SLC8A3: variants seen among roughly 807,000 people sequenced by gnomAD.
SLC8A3 encodes sodium/calcium exchanger 3.
SLC8A3 carries 37 observed loss-of-function variants against 65.4 expected under a neutral mutation model. The observed-to-expected ratio is 0.57, with a 90% CI of 0.44 to 0.74. SLC8A3 has a LOEUF of 0.74. SLC8A3 is among the 30% of genes least tolerant of loss of function. The probability of loss-of-function intolerance (pLI) is 0.00; values close to 1 mark genes in which losing one functional copy is unlikely to be tolerated. For missense variants in SLC8A3, 1,112 were observed against 1,172.1 expected, an observed-to-expected ratio of 0.95 and a Z score of 0.75; for synonymous variants, 461 against 444.5, an observed-to-expected ratio of 1.04 and a Z score of -0.47.
chr14:70,090,684 A>T (rs1028768606), intron 2 of SLC8A3, among the ~76,000 whole-genome samples: 1 of 152,226 alleles, frequency 6.6e-6, no homozygotes, highest in Non-Finnish European at 1.5e-5. Context: ...TTCCTGATTC[A>T]TATAGAAGTA....
In SLC8A3 at chr14:70,048,874, A is replaced by G. The variant is rs1259070342; in HGVS notation, c.2282T>C (p.Met761Thr). 2.5e-6 allele frequency: 4 copies of G among 1,614,192 alleles called. No homozygotes were observed. The highest frequency in any genetic ancestry group is 2.2e-5 in the East Asian group (1 of 44,890). The part of the protein sequence containing the change: ...CFAVSILIIG[M>T]LTAIIGDLAS... ...CAGGTCCCCAATGATGGCGGTGAGCATGCCAATGATGAGGATGGAGACGGC... is the reference window on the plus strand; with the variant it reads ...CAGGTCCCCAATGATGGCGGTGAGCGTGCCAATGATGAGGATGGAGACGGC... Residue 761 changes from methionine to threonine, a missense_variant, in exon 6 of 7, where the codon ATG (methionine) becomes ACG (threonine). Transcript: ENST00000356921.
rs780921942 is a variant in SLC8A3, at chr14:70,167,958, C to T, written c.465G>A (p.Val155=). 7 of 1,614,050 alleles carry T rather than the reference C, an allele frequency of 4.3e-6. No homozygotes were observed. The highest frequency in any genetic ancestry group is 1.7e-5 in the Admixed American group (1 of 60,006). ...CACCAGCAATGAACCCATGACCACACACCTCAATTAAAGAGAGGAGTATCT... is the reference window on the plus strand; with the variant it reads ...CACCAGCAATGAACCCATGACCACATACCTCAATTAAAGAGAGGAGTATCT... ...APEILLSLIE[V]CGHGFIAGDL... The change falls in exon 2 of 7, where the codon GTG becomes GTA. Residue 155 remains valine, a synonymous_variant. Transcript: ENST00000356921.
chr14:70,120,386 G>A (rs1566792525), intron 2 of SLC8A3, among the ~76,000 whole-genome samples: 1 of 152,212 alleles, frequency 6.6e-6, no homozygotes, highest in East Asian at 1.9e-4. Flanking sequence ...TGGGAAAGGT[G>A]TGCATTTGCC....
Position 70,167,869 on chromosome 14 carries a change from C to G in SLC8A3, c.554G>C (p.Cys185Ser). ...AFNMFIIIGI[C>S]VYVIPDGETR... ...CTCTCCGTCTGGGATCACGTAGACA[C>G]AGATGCCAATGATGATGAACATGTT... is the stretch of plus-strand genomic sequence containing the variant. The change falls in exon 2 of 7, where the codon TGT (cysteine) becomes TCT (serine). Residue 185 changes from cysteine to serine, a missense_variant. Cys to Ser is a moderately radical substitution (Grantham distance 112). Transcript: ENST00000356921. 6.2e-7 allele frequency: 1 copy of G among 1,614,182 alleles called. No individual in the cohort carries two copies. The highest frequency in any genetic ancestry group is 8.5e-7 in the Non-Finnish European group (1 of 1,180,032).
At chr14:70,070,350 A>T (rs1156577877) in intron 2 of SLC8A3, among the ~76,000 whole-genome samples, 1 of 152,340 alleles carries the variant, frequency 6.6e-6, no homozygotes, top group South Asian at 2.1e-4. Flanking sequence ...TTTAATATTC[A>T]TAATAACCTA....
intron 2 of SLC8A3, among the ~76,000 whole-genome samples, chr14:70,128,139 G>A (rs1042033410): frequency 2.0e-5 from 3 of 152,134 alleles, no homozygotes; most frequent in Non-Finnish European, 4.4e-5. Flanking sequence ...GATTGAAATT[G>A]GGCAGTCATT....
At chr14:70,063,700 G>C (rs1413376916) in intron 2 of SLC8A3, 1 of 635,826 alleles carries the variant, frequency 1.6e-6, no homozygotes, top group Non-Finnish European at 2.8e-6. Context: ...CAAGAGAGGA[G>C]ACAAGGGAAA....
rs771215914 is a variant in SLC8A3 at position 70,049,038 on chromosome 14, C to T, written c.2118G>A (p.Gly706=). 2 of 1,604,366 alleles carry T rather than the reference C, an allele frequency of 1.2e-6. No individual in the cohort carries two copies. Among genetic ancestry groups the T allele is most frequent in the South Asian group, 1.1e-5 (1 of 89,914 alleles). The change falls in exon 6 of 7, where the codon GGG becomes GGA. Residue 706 remains glycine (G), a synonymous_variant. Transcript: ENST00000356921. ...FMEAITVSAA[G]DEDEDESGEE... Reference sequence around the variant, plus strand: ...CCCCGGATTCATCCTCATCCTCATCCCCTGCTGAAGGCAAGATAAACAGGC... The same window carrying T: ...CCCCGGATTCATCCTCATCCTCATCTCCTGCTGAAGGCAAGATAAACAGGC...
intron 2 of SLC8A3, among the ~76,000 whole-genome samples, chr14:70,162,423 G>A (rs961665990): frequency 1.3e-5 from 2 of 152,018 alleles, no homozygotes; most frequent in African/African-American, 2.4e-5. Context: ...AGATACCTTC[G>A]AGCTTTAACA....
intron 2 of SLC8A3, among the ~76,000 whole-genome samples, chr14:70,141,642 A>G (rs72731817): frequency 9.2e-5 from 14 of 152,242 alleles, no homozygotes; most frequent in Non-Finnish European, 1.6e-4. Flanking sequence ...TCCCTCTTCA[A>G]CCTCTTACAC....
In SLC8A3 at chr14:70,062,810, C is replaced by A. The variant is rs139533637; in HGVS notation, c.1785-1871G>T. Among the ~76,000 whole-genome samples, 35 of 152,282 alleles carry A rather than the reference C, an allele frequency of 2.3e-4. 1 individual carries two copies. The East Asian group carries it at 6.6e-3, about 29-fold the overall frequency. On this transcript the variant is annotated intron_variant, in intron 2 of 6. Transcript: ENST00000356921. ...TGGCCCTAGATATGGGACCCCAGGGCTGTCTACAAGGTGTGAGCCTGTTTC... is the reference window on the plus strand; with the variant it reads ...TGGCCCTAGATATGGGACCCCAGGGATGTCTACAAGGTGTGAGCCTGTTTC...
chr14:70,097,028 G>A (rs373690071), intron 2 of SLC8A3, among the ~76,000 whole-genome samples: 2 of 152,158 alleles, frequency 1.3e-5, no homozygotes, highest in Admixed American at 1.3e-4. Flanking sequence ...GAAATTAAAC[G>A]TCCTGAGGAA....
In SLC8A3 at chr14:70,167,034, C is replaced by A; in HGVS notation, c.1389G>T (p.Glu463Asp). ...VVLKPGETQK[E>D]FSVGIIDDDI... ...CGTCATCAATTATGCCCACGGAGAACTCCTTCTGGGTCTCTCCTGGCTTCA... is the reference window on the plus strand; with the variant it reads ...CGTCATCAATTATGCCCACGGAGAAATCCTTCTGGGTCTCTCCTGGCTTCA... The change falls in exon 2 of 7, where the codon GAG becomes GAT. Residue 463 changes from glutamate (E) to aspartate (D), a missense_variant. Coordinates refer to ENST00000356921, the MANE Select transcript of SLC8A3 (RefSeq NM_182932.3). The A allele has an allele frequency of 6.2e-7, 1 of 1,613,934 alleles. No individual in the cohort carries two copies. Among genetic ancestry groups the A allele is most frequent in the Non-Finnish European group, 8.5e-7 (1 of 1,180,002 alleles).
intron 2 of SLC8A3, among the ~76,000 whole-genome samples, chr14:70,154,653 G>A (rs1056326657): frequency 6.6e-6 from 1 of 152,092 alleles, no homozygotes; most frequent in African/African-American, 2.4e-5. Context: ...TTTCTCATCT[G>A]TACATATTTA....
At chr14:70,049,121 A>G in intron 5 of SLC8A3, 79 bp from the exon 6 acceptor site, 1 of 1,377,948 alleles carries the variant, frequency 7.3e-7, no homozygotes, top group South Asian at 1.4e-5. Context: ...CCCAACCCGC[A>G]CCACAGGCAT....
At chr14:70,173,317 C>G (rs190109726) in intron 1 of SLC8A3, among the ~76,000 whole-genome samples, 1 of 152,106 alleles carries the variant, frequency 6.6e-6, no homozygotes, top group Non-Finnish European at 1.5e-5. Flanking sequence ...GCTCATGATG[C>G]CCGTCTGTCC....
At chr14:70,052,858 T>C (rs1338292320) in intron 3 of SLC8A3, among the ~76,000 whole-genome samples, 2 of 152,172 alleles carry the variant, frequency 1.3e-5, no homozygotes, top group Non-Finnish European at 2.9e-5. Context: ...GTAAACCTCC[T>C]AGGGGAATCC....
rs1886716837 is a variant in SLC8A3 at position 70,045,959 on chromosome 14, GA to G, written c.2753del (p.Ile918ThrfsTer52). On this transcript the variant is annotated frameshift_variant, in exon 7 of 7. Coordinates refer to ENST00000356921, the MANE Select transcript of SLC8A3 (RefSeq NM_182932.3). LOFTEE classifies it high-confidence loss of function. ...LFATLEAYCY[I>X]KGF ...TCTGTTGTGTGGCTTAGAACCCCTTGATGTAGCAATAGGCCTCTAGTGTGGC... is the reference window on the plus strand; with the variant it reads ...TCTGTTGTGTGGCTTAGAACCCCTTGTGTAGCAATAGGCCTCTAGTGTGGC... 1 of 1,594,234 alleles carries G rather than the reference GA, an allele frequency of 6.3e-7. No individual in the cohort carries two copies. Among genetic ancestry groups the G allele is most frequent in the African/African-American group, 1.3e-5 (1 of 74,474 alleles).
chr14:70,085,408 A>G (rs1003907363), intron 2 of SLC8A3, among the ~76,000 whole-genome samples: 2 of 152,138 alleles, frequency 1.3e-5, no homozygotes, highest in African/African-American at 2.4e-5. Flanking sequence ...TGAAGGTGAA[A>G]TATTGACCTG....
Sources: gnomAD v4.1 joint callset for allele counts (sites outside exome capture counted in the v4.1 genomes callset) on GRCh38, gnomAD v4.1.1 for gene constraint, MANE v1.5 for transcripts, NCBI Gene and HGNC (gene_info 2026-07-23, HGNC 2026-07-21) for gene names.